Variants in SYN3 observed in about 807,000 individuals in gnomAD.
The protein encoded by SYN3 is synapsin III, also known as synapsin-3.
A neutral mutation model predicts 65.8 loss-of-function variants in SYN3; 35 were observed. The ratio of observed to expected loss-of-function variants is 0.53; its 90% confidence interval spans 0.41 to 0.70. The LOEUF is 0.70. Among genes scored for constraint, SYN3 ranks in the 30% least tolerant of loss-of-function variants. The pLI, the probability that SYN3 is intolerant of heterozygous loss-of-function variation, is 0.00. For missense variants in SYN3, 680 were observed against 749.0 expected (o/e 0.91, Z 1.08); for synonymous variants, 270 against 292.9 (o/e 0.92, Z 0.80).
intron 6 of SYN3, among the ~76,000 whole-genome samples, chr22:32,649,632 C>T (rs1051919970): frequency 2.0e-5 from 3 of 152,132 alleles, no homozygotes; most frequent in Admixed American, 6.6e-5. Flanking sequence ...AAACTAGCTT[C>T]GCGGCTGGGC....
At chr22:32,970,284 G>A (rs1047727803) in intron 3 of SYN3, among the ~76,000 whole-genome samples, 9 of 152,062 alleles carry the variant, frequency 5.9e-5, no homozygotes, top group African/African-American at 1.9e-4. Context: ...TGGTGGGGCC[G>A]GGATTCAAAC....
At position 32,924,830 on chromosome 22, in the gene SYN3, G is replaced by A. The variant is rs542979824; in HGVS notation, c.461+6560C>T. ...TGGCAGGCTGGGCTTGGTGGCTTAT[G>A]CCTGTAATCCCAGCACGTTAGGAGG... On this transcript the variant is annotated intron_variant, in intron 4 of 13. Coordinates refer to ENST00000358763, the MANE Select transcript of SYN3 (RefSeq NM_003490.4). 3.3e-5 allele frequency among the ~76,000 whole-genome samples: 5 copies of A among 152,310 alleles called. No individual in the cohort carries two copies. The East Asian group carries it at 9.7e-4, about 29-fold the overall frequency.
chr22:32,907,622 T>C (rs2049937174), intron 4 of SYN3, among the ~76,000 whole-genome samples: 1 of 152,194 alleles, frequency 6.6e-6, no homozygotes, highest in South Asian at 2.1e-4. Flanking sequence ...TAGTGTAATA[T>C]TTTTTAAAAA....
At chr22:32,968,104 A>G (rs1394513585) in intron 3 of SYN3, among the ~76,000 whole-genome samples, 1 of 152,232 alleles carries the variant, frequency 6.6e-6, no homozygotes, top group Non-Finnish European at 1.5e-5. Context: ...CTCGCTTTCA[A>G]GAAATGCCAG....
At chr22:32,615,021 A>G (rs2059496009) in intron 6 of SYN3, among the ~76,000 whole-genome samples, 1 of 152,048 alleles carries the variant, frequency 6.6e-6, no homozygotes, top group African/African-American at 2.4e-5. Context: ...AAAGTAAAAA[A>G]TTACCCCCAC....
At chr22:32,526,340 A>T (rs2057976026) in intron 12 of SYN3, among the ~76,000 whole-genome samples, 1 of 152,060 alleles carries the variant, frequency 6.6e-6, no homozygotes. Context: ...GAGAAACACA[A>T]ACAAGAAAAA....
At chr22:32,929,153 A>C (rs1175667362) in intron 4 of SYN3, among the ~76,000 whole-genome samples, 1 of 152,090 alleles carries the variant, frequency 6.6e-6, no homozygotes, top group African/African-American at 2.4e-5. Context: ...GTGGTGGTGC[A>C]TGTCTGTAAT....
At chr22:32,867,185 AG>A (rs1358064300) in intron 5 of SYN3, among the ~76,000 whole-genome samples, 1 of 152,236 alleles carries the variant, frequency 6.6e-6, no homozygotes, top group East Asian at 1.9e-4. Flanking sequence ...CAGACCAGAC[AG>A]CTATGAGCTT....
chr22:32,894,443 G>A (rs532999449), intron 4 of SYN3, among the ~76,000 whole-genome samples: 1 of 152,254 alleles, frequency 6.6e-6, no homozygotes, highest in South Asian at 2.1e-4. Context: ...ATCTTGCCAG[G>A]CTCCCTTGTA....
Position 32,931,470 on chromosome 22 carries a change from T to A in SYN3, c.381A>T (p.Ser127=), listed in dbSNP as rs764737350. The A allele has an allele frequency of 6.2e-7, 1 of 1,613,554 alleles. No homozygotes were observed. The highest frequency in any genetic ancestry group is 2.2e-5 in the East Asian group (1 of 44,868). Residue 127 remains serine, a synonymous_variant, in exon 4 of 14, where the codon TCA becomes TCT. Transcript: ENST00000358763. ...TCACATAGGCAGCTAGGTTCAACTC[T>A]GAGAATTCAGCCTGAAGAATAAAGC... ...IEIRVEQAEF[S]ELNLAAYVTG... is the part of the protein sequence containing the mutation.
chr22:32,766,541 G>A (rs930112086), intron 6 of SYN3, among the ~76,000 whole-genome samples: 7 of 152,240 alleles, frequency 4.6e-5, no homozygotes, highest in East Asian at 3.9e-4. Flanking sequence ...TTGAATCTCC[G>A]CACCCAGAAG....
intron 6 of SYN3, among the ~76,000 whole-genome samples, chr22:32,709,093 G>A (rs1273339812): frequency 2.0e-5 from 3 of 152,254 alleles, no homozygotes; most frequent in Non-Finnish European, 4.4e-5. Flanking sequence ...TGGCCACACT[G>A]TGGTTGGGGC....
chr22:32,752,859 C>T (rs542252876), intron 6 of SYN3, among the ~76,000 whole-genome samples: 2 of 152,074 alleles, frequency 1.3e-5, no homozygotes, highest in Non-Finnish European at 2.9e-5. Context: ...CATGGGGGGC[C>T]GGCTTCTCTG....
At chr22:32,944,353 A>C (rs2051037548) in intron 3 of SYN3, among the ~76,000 whole-genome samples, 1 of 152,210 alleles carries the variant, frequency 6.6e-6, no homozygotes, top group Non-Finnish European at 1.5e-5. Context: ...GACATGATCA[A>C]GTGGGCTTCA....
chr22:32,980,852 G>T, intron 2 of SYN3, 150 bp from the exon 3 acceptor site: 2 of 631,864 alleles, frequency 3.2e-6, no homozygotes, highest in Non-Finnish European at 2.7e-6. Flanking sequence ...GATTTTCTCA[G>T]TCTTTTTTTT....
chr22:32,821,620 C>T (rs887128644), intron 6 of SYN3, among the ~76,000 whole-genome samples: 4 of 152,184 alleles, frequency 2.6e-5, no homozygotes, highest in Non-Finnish European at 4.4e-5. Context: ...CAAGGCAAAT[C>T]GGATGGAAGA....
chr22:32,719,660 C>G (rs1217327914), intron 6 of SYN3, among the ~76,000 whole-genome samples: 2 of 152,080 alleles, frequency 1.3e-5, no homozygotes, highest in East Asian at 1.9e-4. Context: ...CTGAGCAACA[C>G]AGTGAGACAC....
intron 3 of SYN3, among the ~76,000 whole-genome samples, chr22:32,940,889 GA>G (rs1217168845): frequency 6.6e-6 from 1 of 152,078 alleles, no homozygotes; most frequent in Non-Finnish European, 1.5e-5. Flanking sequence ...CTACTGATCA[GA>G]AAAAAAGTTG....
chr22:32,751,093 C>A (rs1004843698), intron 6 of SYN3, among the ~76,000 whole-genome samples: 2 of 151,758 alleles, frequency 1.3e-5, no homozygotes, highest in African/African-American at 4.9e-5. Flanking sequence ...CTGAGCCCAG[C>A]CCCCAGCCCC....
Sources: gnomAD v4.1 joint callset for allele counts (sites outside exome capture counted in the v4.1 genomes callset) on GRCh38, gnomAD v4.1.1 for gene constraint, MANE v1.5 for transcripts, NCBI Gene and HGNC (gene_info 2026-07-23, HGNC 2026-07-21) for gene names.